The following LGALS16 variants were observed in gnomAD, a reference collection of about 807,000 sequenced individuals.
LGALS16 encodes the protein galectin 16.
Under a neutral mutation model 13.2 loss-of-function variants are expected in LGALS16, and 15 were observed. The observed-to-expected ratio is 1.13, with a 90% confidence interval of 0.76 to 1.75. The LOEUF is 1.75. Among genes scored for constraint, LGALS16 ranks in the 40% most tolerant of loss-of-function variants. The pLI is 0.00. For synonymous variants in LGALS16, 66 were observed against 65.4 expected, an observed-to-expected ratio of 1.01 and a Z score of -0.05; for missense variants, 198 against 178.4, an observed-to-expected ratio of 1.11 and a Z score of -0.63.
chr19:39,656,126 G>C, intron 1 of LGALS16, 150 bp downstream of exon 1: 1 of 805,556 alleles, frequency 1.2e-6, no homozygotes, highest in East Asian at 2.7e-5. Flanking sequence ...ACTGAGGCTG[G>C]GTATCTGAGA....
chr19:39,656,074 G>A, intron 1 of LGALS16, 98 bp downstream of exon 1: 1 of 1,234,622 alleles, frequency 8.1e-7, no homozygotes, highest in Admixed American at 2.0e-5. Context: ...CATTCCTACT[G>A]TGAATGCTTT....
rs779633728 is a variant in LGALS16 at position 39,658,418 on chromosome 19, A to T, written c.93-42A>T. On this transcript the variant is annotated intron_variant, in intron 2 of 3. Transcript: ENST00000392051. The stretch of plus-strand genomic sequence containing the variant: ...GTGCGTGTCAAGTGTGTGTCTGTGC[A>T]ATGAAGGAACCTGTCCAATATGCTG... 9 of 1,490,446 alleles carry T rather than the reference A, an allele frequency of 6.0e-6. No individual in the cohort carries two copies. In the East Asian group the frequency reaches 1.9e-4, roughly 32 times the overall value. The allele number at this position is 1,490,446 out of a possible 1,614,324, so 92.3% of individuals were successfully genotyped here.
Position 39,658,463 on chromosome 19 carries a change from C to A in LGALS16, c.96C>A (p.Asn32Lys). The change falls in exon 3 of 4, where the codon AAC becomes AAA. Residue 32 changes from asparagine to lysine, a missense_variant. Asn to Lys is a moderately conservative substitution (Grantham distance 94, BLOSUM62 0). Coordinates refer to ENST00000392051, the MANE Select transcript of LGALS16 (RefSeq NM_001190441.3). ...ATGCTGTGTGCTTTGCCCTCAGCAA[C>A]GAACCACAGCTGCAGGTGGATTTCT... The part of the protein sequence containing the change: ...IKGTLIDSSI[N>K]EPQLQVDFYT... The A allele has an allele frequency of 6.3e-7, 1 of 1,595,180 alleles. No homozygotes were observed. The highest frequency in any genetic ancestry group is 8.5e-7 in the Non-Finnish European group (1 of 1,173,682).
Position 39,660,387 on chromosome 19 carries a change from T to G in LGALS16, c.304-8T>G. 1 of 1,540,648 alleles carries G rather than the reference T, an allele frequency of 6.5e-7. No homozygotes were observed. Among genetic ancestry groups the G allele is most frequent in the Non-Finnish European group, 8.7e-7 (1 of 1,147,974 alleles). On this transcript the variant is annotated splice_polypyrimidine_tract_variant and splice_region_variant and intron_variant, in intron 3 of 3. Coordinates refer to ENST00000392051, the MANE Select transcript of LGALS16 (RefSeq NM_001190441.3). ...TACTGTCTTTCTGATGCATTTTTCC[T>G]CTTAAAGGTAAAGGTAAATGGTGAA...
chr19:39,657,081 A>G (rs1338385675), intron 1 of LGALS16, among the ~76,000 whole-genome samples: 1 of 152,094 alleles, frequency 6.6e-6, no homozygotes, highest in East Asian at 1.9e-4. Flanking sequence ...TGGGTATCAT[A>G]GTGAGACCCT....
rs1171241123 is a variant in LGALS16, at chr19:39,658,648, A to T, written c.281A>T (p.Tyr94Phe). ...EDGKPFDLRI[Y>F]VCHNEYEVKV... The stretch of plus-strand genomic sequence containing the variant: ...GGCAAACCATTTGACTTGCGCATCT[A>T]CGTGTGTCACAATGAGTATGAGGTG... The change falls in exon 3 of 4, where the codon TAC (tyrosine) becomes TTC (phenylalanine). Residue 94 changes from tyrosine to phenylalanine, a missense_variant. Physicochemically the swap from Tyr to Phe is conservative, Grantham distance 22. Transcript: ENST00000392051. 1 of 1,585,032 alleles carries T rather than the reference A, an allele frequency of 6.3e-7. No individual in the cohort carries two copies. The highest frequency in any genetic ancestry group is 8.6e-7 in the Non-Finnish European group (1 of 1,169,402).
chr19:39,660,048 C>T lies in LGALS16; in HGVS notation c.304-347C>T, dbSNP rs115109505. Among the ~76,000 whole-genome samples the T allele has an allele frequency of 7.0e-3, 1,066 of 152,246 alleles. 4 individuals carry two copies. Among genetic ancestry groups the T allele is most frequent in the African/African-American group, 0.016 (664 of 41,546 alleles). ...GTATGCATTTCAGTGAACATGGTCT[C>T]GCACTAACCCTGTGGCAGGTCCTGT... On this transcript the variant is annotated intron_variant, in intron 3 of 3. Coordinates refer to ENST00000392051, the MANE Select transcript of LGALS16 (RefSeq NM_001190441.3).
chr19:39,658,746 C>A, intron 3 of LGALS16, 76 bp downstream of exon 3: 1 of 920,002 alleles, frequency 1.1e-6, no homozygotes, highest in South Asian at 1.4e-5. Flanking sequence ...TTGACCTGGC[C>A]TCACCAGTCC....
In LGALS16 at chr19:39,657,784, G is replaced by T. The variant is rs1332669806; in HGVS notation, c.16-99G>T. 4.5e-6 allele frequency: 6 copies of T among 1,337,120 alleles called. No homozygotes were observed. In the East Asian group the frequency reaches 1.2e-4, roughly 26 times the overall value. 82.8% of individuals were successfully genotyped at this position (1,337,120 alleles called of 1,614,324 possible). ...TGAATGGGGAGAGTCCACAGAGCCT[G>T]CCCTGTGATCTCTAACCTCCTGCAC... On this transcript the variant is annotated intron_variant, in intron 1 of 3. Coordinates refer to ENST00000392051, the MANE Select transcript of LGALS16 (RefSeq NM_001190441.3).
At chr19:39,656,799 A>G (rs921683326) in intron 1 of LGALS16, among the ~76,000 whole-genome samples, 1 of 151,880 alleles carries the variant, frequency 6.6e-6, no homozygotes, top group Non-Finnish European at 1.5e-5. Flanking sequence ...TGTCCTTTTC[A>G]TTGTGGGACA....
chr19:39,660,366 G>A, intron 3 of LGALS16, 29 bp from the exon 4 acceptor site: 1 of 1,539,444 alleles, frequency 6.5e-7, no homozygotes, highest in Non-Finnish European at 8.7e-7. Context: ...GTGGCATACT[G>A]TCTTTCTGAT....
chr19:39,658,190 T>G (rs1449371890), intron 2 of LGALS16, among the ~76,000 whole-genome samples: 1 of 152,188 alleles, frequency 6.6e-6, no homozygotes, highest in African/African-American at 2.4e-5. Flanking sequence ...GGACTGTGGC[T>G]CTTTATCAAG....
At position 39,655,955 on chromosome 19, in the gene LGALS16, G is replaced by A; in HGVS notation, c.-7G>A. On this transcript the variant is annotated 5_prime_UTR_variant, in exon 1 of 4. Transcript: ENST00000392051. The stretch of plus-strand genomic sequence containing the variant: ...CAATTCCGAAGGTCGCCCAGAAGGA[G>A]AGGACAATGTCATTTCTAACTGTGA... The A allele has an allele frequency of 6.2e-7, 1 of 1,613,706 alleles. No individual in the cohort carries two copies. Among genetic ancestry groups the A allele is most frequent in the Middle Eastern group, 1.7e-4 (1 of 6,060 alleles).
rs191231734 is a variant in LGALS16 at position 39,657,750 on chromosome 19, G to C, written c.16-133G>C. ...CCTTCAGGAATGTGGGGCCCTGACT[G>C]TGGTAGAGTGAATGGGGAGAGTCCA... On this transcript the variant is annotated intron_variant, in intron 1 of 3. Transcript: ENST00000392051. 46 of 974,450 alleles carry C rather than the reference G, an allele frequency of 4.7e-5. No homozygotes were observed. In the Admixed American group the frequency reaches 6.8e-4, roughly 14 times the overall value. 60.4% of individuals were successfully genotyped at this position (974,450 alleles called of 1,614,324 possible).
At position 39,658,103 on chromosome 19, in the gene LGALS16, G is replaced by A. The variant is rs144601058; in HGVS notation, c.92+144G>A. The A allele has an allele frequency of 4.5e-4, 427 of 954,184 alleles. 4 individuals carry two copies. In the African/African-American group the frequency reaches 6.3e-3, roughly 14 times the overall value. 59.1% of individuals were successfully genotyped at this position (954,184 alleles called of 1,614,324 possible). A position where few individuals can be genotyped will look rare whatever the true frequency, so the allele number is the denominator to read the frequency against. On this transcript the variant is annotated intron_variant, in intron 2 of 3. Coordinates refer to ENST00000392051, the MANE Select transcript of LGALS16 (RefSeq NM_001190441.3). The stretch of plus-strand genomic sequence containing the variant: ...AGGTGCAGGTCCTGGAGACCCTCCA[G>A]CACCAGGCATGAGACCTGCAGCAAC...
intron 3 of LGALS16, among the ~76,000 whole-genome samples, chr19:39,659,600 G>T (rs140265932): frequency 6.6e-6 from 1 of 152,246 alleles, no homozygotes; most frequent in Non-Finnish European, 1.5e-5. Flanking sequence ...CACAAATGAT[G>T]CTGTATTAAG....
rs756730418 is a variant in LGALS16, at chr19:39,657,948, C to T, written c.81C>T (p.Ile27=). Reference sequence around the variant, plus strand: ...GCGTGATAATCAAAGGGACACTGATCGACTCTTCTATGTGAGTACTCCATG... The same window carrying T: ...GCGTGATAATCAAAGGGACACTGATTGACTCTTCTATGTGAGTACTCCATG... The part of the protein sequence containing the change: ...GSCVIIKGTL[I]DSSINEPQLQ... The change falls in exon 2 of 4, where the codon ATC becomes ATT. Residue 27 remains isoleucine (I), a synonymous_variant. Transcript: ENST00000392051. 49 of 1,613,824 alleles carry T rather than the reference C, an allele frequency of 3.0e-5. No individual in the cohort carries two copies. The East Asian group carries it at 6.5e-4, about 21-fold the overall frequency.
In LGALS16 at chr19:39,658,481, G is replaced by A. The variant is rs761148943; in HGVS notation, c.114G>A (p.Val38=). 32 of 1,601,974 alleles carry A rather than the reference G, an allele frequency of 2.0e-5. No homozygotes were observed. Among genetic ancestry groups the A allele is most frequent in the Non-Finnish European group, 2.6e-5 (31 of 1,176,698 alleles). ...TCAGCAACGAACCACAGCTGCAGGTGGATTTCTACACTGAGATGAATGAGG... is the reference window on the plus strand; with the variant it reads ...TCAGCAACGAACCACAGCTGCAGGTAGATTTCTACACTGAGATGAATGAGG... ...DSSINEPQLQ[V]DFYTEMNEDS... Residue 38 remains valine (V), a synonymous_variant, in exon 3 of 4, where the codon GTG becomes GTA. Transcript: ENST00000392051.
rs1159083394 is a variant in LGALS16 at position 39,660,560 on chromosome 19, A to T, written c.*40A>T. 3.3e-5 allele frequency: 51 copies of T among 1,534,504 alleles called. No homozygotes were observed. The highest frequency in any genetic ancestry group is 4.0e-5 in the Non-Finnish European group (46 of 1,139,798). Reference sequence around the variant, plus strand: ...GTTGAGGAAACCCTCTTTCTACCTGACCATGGGATTCCTAGAGCCTGCTAA... The same window carrying T: ...GTTGAGGAAACCCTCTTTCTACCTGTCCATGGGATTCCTAGAGCCTGCTAA... On this transcript the variant is annotated 3_prime_UTR_variant, in exon 4 of 4. Coordinates refer to ENST00000392051, the MANE Select transcript of LGALS16 (RefSeq NM_001190441.3).
Sources: allele counts gnomAD v4.1 joint callset (sites outside exome capture counted in the v4.1 genomes callset), GRCh38; gene constraint gnomAD v4.1.1; transcripts MANE v1.5; gene names NCBI Gene and HGNC (gene_info 2026-07-23, HGNC 2026-07-21).